The following GRID2 variants were observed in gnomAD, a reference collection of about 807,000 sequenced individuals.
The protein encoded by GRID2 is glutamate ionotropic receptor delta type subunit 2.
In GRID2, 33 loss-of-function variants were observed where a neutral mutation model predicts 114.8. The ratio of observed to expected loss-of-function variants is 0.29; its 90% confidence interval spans 0.22 to 0.38. The LOEUF (loss-of-function observed/expected upper bound fraction) is 0.38. Among genes scored for constraint, GRID2 ranks in the 10% least tolerant of loss-of-function variants. The probability of loss-of-function intolerance (pLI) is 1.00; values close to 1 mark genes in which losing one functional copy is unlikely to be tolerated. For synonymous variants in GRID2, 505 were observed against 449.9 expected (o/e 1.12, Z -1.55); for missense variants, 1,184 against 1,257.7 (o/e 0.94, Z 0.89).
chr4:92,857,786 T>C (rs1744273585), intron 2 of GRID2, among the ~76,000 whole-genome samples: 1 of 152,186 alleles, frequency 6.6e-6, no homozygotes, highest in Non-Finnish European at 1.5e-5. Context: ...CAGCCTGATA[T>C]TGGATAAACA....
intron 1 of GRID2, among the ~76,000 whole-genome samples, chr4:92,544,158 A>G (rs901191372): frequency 2.6e-5 from 4 of 152,136 alleles, no homozygotes; most frequent in East Asian, 1.9e-4. Flanking sequence ...TCTCAACAAA[A>G]TGTTGCCCTG....
intron 10 of GRID2, among the ~76,000 whole-genome samples, chr4:93,433,939 C>T (rs924928914): frequency 6.6e-6 from 1 of 152,088 alleles, no homozygotes; most frequent in Non-Finnish European, 1.5e-5. Context: ...CCCTTGTGTT[C>T]TTGATATTCA....
At chr4:92,482,243 C>G (rs1248813722) in intron 1 of GRID2, among the ~76,000 whole-genome samples, 5 of 151,546 alleles carry the variant, frequency 3.3e-5, no homozygotes, top group Non-Finnish European at 7.4e-5. Context: ...CATGTCCTCA[C>G]TTATATGTGG....
chr4:93,377,255 T>C (rs186178187), intron 8 of GRID2, among the ~76,000 whole-genome samples: 201 of 152,294 alleles, frequency 1.3e-3, no homozygotes, highest in Admixed American at 2.7e-3. Flanking sequence ...TGAAAATTTT[T>C]ATACTGAAAA....
intron 2 of GRID2, among the ~76,000 whole-genome samples, chr4:93,021,464 C>T (rs1412067030): frequency 1.3e-5 from 2 of 148,334 alleles, no homozygotes; most frequent in East Asian, 2.0e-4. Flanking sequence ...TATTAAAGGA[C>T]TCAGATTTAC....
chr4:92,615,616 T>G (rs1451606027), intron 2 of GRID2, among the ~76,000 whole-genome samples: 1 of 151,664 alleles, frequency 6.6e-6, no homozygotes, highest in Non-Finnish European at 1.5e-5. Context: ...TTTATATTAT[T>G]GTAATATTTC....
At chr4:93,360,139 G>C (rs944624069) in intron 8 of GRID2, among the ~76,000 whole-genome samples, 7 of 151,780 alleles carry the variant, frequency 4.6e-5, no homozygotes, top group Admixed American at 2.6e-4. Flanking sequence ...TATTTCTACA[G>C]TTGTTTATTT....
At chr4:92,917,665 T>C (rs1748925173) in intron 2 of GRID2, among the ~76,000 whole-genome samples, 1 of 152,224 alleles carries the variant, frequency 6.6e-6, no homozygotes, top group South Asian at 2.1e-4. Flanking sequence ...GTTGTAGATA[T>C]GTGGCATTAT....
chr4:92,928,183 A>T (rs2149516417), intron 2 of GRID2, among the ~76,000 whole-genome samples: 1 of 151,816 alleles, frequency 6.6e-6, no homozygotes, highest in African/African-American at 2.4e-5. Flanking sequence ...AGTCTATTTT[A>T]TTATCCTTAT....
chr4:93,537,843 C>T (rs1732250300), intron 13 of GRID2, among the ~76,000 whole-genome samples: 1 of 151,682 alleles, frequency 6.6e-6, no homozygotes, highest in East Asian at 1.9e-4. Flanking sequence ...CCCTTTACTT[C>T]ATATCAGAAT....
At chr4:92,837,119 TA>T (rs1475853611) in intron 2 of GRID2, among the ~76,000 whole-genome samples, 1 of 152,018 alleles carries the variant, frequency 6.6e-6, no homozygotes, top group Non-Finnish European at 1.5e-5. Flanking sequence ...CCTGAATGAC[TA>T]AAATTAGGAG....
intron 2 of GRID2, among the ~76,000 whole-genome samples, chr4:92,727,939 G>T (rs1736141396): frequency 6.6e-6 from 1 of 152,006 alleles, no homozygotes; most frequent in Non-Finnish European, 1.5e-5. Flanking sequence ...TTGGGGTTTA[G>T]CGTTTAAATT....
intron 1 of GRID2, among the ~76,000 whole-genome samples, chr4:92,325,516 G>T (rs1316891792): frequency 2.6e-5 from 4 of 151,818 alleles, no homozygotes; most frequent in Admixed American, 1.3e-4. Context: ...CTTGAGGCTA[G>T]AGTTAATTGA....
intron 1 of GRID2, among the ~76,000 whole-genome samples, chr4:93,785,213 AC>A (rs1051562807): frequency 2.0e-5 from 3 of 152,192 alleles, no homozygotes; most frequent in African/African-American, 7.2e-5. Context: ...TGAGTTTCGT[AC>A]CTTTTACAAT....
intron 4 of GRID2, among the ~76,000 whole-genome samples, chr4:93,144,365 A>G (rs1326726630): frequency 6.6e-6 from 1 of 152,248 alleles, no homozygotes; most frequent in African/African-American, 2.4e-5. Context: ...CAAAGAGGTT[A>G]GACAAATTGC....
intron 10 of GRID2, among the ~76,000 whole-genome samples, chr4:93,431,764 A>T (rs1050798293): frequency 7.9e-5 from 12 of 152,212 alleles, no homozygotes; most frequent in African/African-American, 2.7e-4. Flanking sequence ...CAGAGACTTG[A>T]GTAAAATTAT....
At chr4:93,229,729 T>C (rs2149498764) in intron 7 of GRID2, among the ~76,000 whole-genome samples, 1 of 152,284 alleles carries the variant, frequency 6.6e-6, no homozygotes, top group South Asian at 2.1e-4. Flanking sequence ...TCTATTCTTA[T>C]TATGGGGAAT....
At chr4:92,637,585 G>T (rs1167075121) in intron 2 of GRID2, among the ~76,000 whole-genome samples, 4 of 151,994 alleles carry the variant, frequency 2.6e-5, no homozygotes, top group Non-Finnish European at 4.4e-5. Context: ...GACTAATTCA[G>T]TTGGATCTCT....
chr4:93,115,585 A>C (rs910180714), intron 4 of GRID2, among the ~76,000 whole-genome samples: 4 of 152,108 alleles, frequency 2.6e-5, no homozygotes, highest in Non-Finnish European at 5.9e-5. Context: ...GTATTAGTCC[A>C]TTCTCATGCT....
Sources: allele counts gnomAD v4.1 joint callset (sites outside exome capture counted in the v4.1 genomes callset), GRCh38; gene constraint gnomAD v4.1.1; transcripts MANE v1.5; gene names NCBI Gene and HGNC (gene_info 2026-07-23, HGNC 2026-07-21).